Variants in SEMA3A observed in about 807,000 individuals in gnomAD.
The protein encoded by SEMA3A is semaphorin 3A, also known as semaphorin-3A.
A neutral mutation model predicts 97.9 loss-of-function variants in SEMA3A; 29 were observed. That is an observed-to-expected ratio of 0.30 (90% CI 0.22 to 0.40). The LOEUF is 0.40. SEMA3A is among the 10% of genes least tolerant of loss of function. SEMA3A has a pLI of 1.00. For missense variants in SEMA3A, 763 were observed against 951.3 expected (o/e 0.80, Z 2.60); for synonymous variants, 321 against 323.7 (o/e 0.99, Z 0.09).
intron 2 of SEMA3A, among the ~76,000 whole-genome samples, chr7:84,331,250 G>C (rs1473857694): frequency 6.6e-6 from 1 of 151,970 alleles, no homozygotes; most frequent in Non-Finnish European, 1.5e-5. Context: ...ATTTGCCAGG[G>C]GTATTTGGAA....
At chr7:84,007,008 T>A (rs576284640) in intron 10 of SEMA3A, among the ~76,000 whole-genome samples, 3 of 152,102 alleles carry the variant, frequency 2.0e-5, no homozygotes, top group African/African-American at 7.2e-5. Context: ...GAAGACACAA[T>A]AAAATGTATT....
chr7:84,064,233 A>G (rs1006538540), intron 4 of SEMA3A, among the ~76,000 whole-genome samples: 2 of 152,054 alleles, frequency 1.3e-5, no homozygotes, highest in African/African-American at 4.8e-5. Flanking sequence ...AGATTTTGTC[A>G]CCACCAGGCC....
Position 84,307,205 on chromosome 7 carries a change from A to G in SEMA3A, c.-83+2T>C, listed in dbSNP as rs1381822051. 6.6e-6 allele frequency: 1 copy of G among 152,032 alleles called. No individual in the cohort carries two copies. The highest frequency in any genetic ancestry group is 2.4e-5 in the African/African-American group (1 of 41,406). 9.4% of individuals were successfully genotyped at this position (152,032 alleles called of 1,614,324 possible). On this transcript the variant is annotated splice_donor_variant, in intron 3 of 3. Coordinates refer to the SEMA3A transcript ENST00000424555. LOFTEE classifies it low-confidence loss of function (5UTR_SPLICE). Reference sequence around the variant, plus strand: ...CAATGTGTATAAGTTTAATTATCTTACCTTCTTTTAGGAAAAATTCTTAAT... The same window carrying G: ...CAATGTGTATAAGTTTAATTATCTTGCCTTCTTTTAGGAAAAATTCTTAAT...
rs569987855 is a variant in SEMA3A at position 84,462,961 on chromosome 7, T to G, written c.-246+29499A>C. Among the ~76,000 whole-genome samples, 505 of 152,284 alleles carry G rather than the reference T, an allele frequency of 3.3e-3. 1 individual carries two copies. Among genetic ancestry groups the G allele is most frequent in the Non-Finnish European group, 5.9e-3 (398 of 68,026 alleles). On this transcript the variant is annotated intron_variant, in intron 1 of 3. Transcript: ENST00000424555. ...GGCCTTGATTACTTATATTTTCAAA[T>G]GTCCTCTGTTTACTAGCCCTTCCTC...
chr7:84,290,049 CAAATCGAT>C lies in SEMA3A; in HGVS notation c.-83+17150_-83+17157del, dbSNP rs577537170. On this transcript the variant is annotated intron_variant, in intron 3 of 3. Transcript: ENST00000424555. Reference sequence around the variant, plus strand: ...ATAATTTCATTGATATGTCGATAGGCAAATCGATACAGGCAAGAATTTGATTAGTGCTT... The same window carrying C: ...ATAATTTCATTGATATGTCGATAGGCACAGGCAAGAATTTGATTAGTGCTT... Among the ~76,000 whole-genome samples, 171 of 152,062 alleles carry C rather than the reference CAAATCGAT, an allele frequency of 1.1e-3. 1 individual carries two copies. Among genetic ancestry groups the C allele is most frequent in the African/African-American group, 3.9e-3 (160 of 41,498 alleles).
chr7:84,252,448 A>T (rs917572974), intron 3 of SEMA3A, among the ~76,000 whole-genome samples: 1 of 152,258 alleles, frequency 6.6e-6, no homozygotes, highest in Admixed American at 6.5e-5. Flanking sequence ...AGTCTGCTAT[A>T]GCACACACAG....
chr7:84,135,334 C>T (rs1201894793), intron 1 of SEMA3A, among the ~76,000 whole-genome samples: 1 of 152,004 alleles, frequency 6.6e-6, no homozygotes, highest in Non-Finnish European at 1.5e-5. Flanking sequence ...TGGCTTCGAA[C>T]TCCTGACCTC....
intron 1 of SEMA3A, chr7:84,492,423 C>T (rs996019346): frequency 2.6e-5 from 4 of 152,066 alleles, no homozygotes; most frequent in African/African-American, 9.7e-5. Context: ...TAATTAATTC[C>T]CAAGTAAAAG....
intron 3 of SEMA3A, among the ~76,000 whole-genome samples, chr7:84,226,857 A>T (rs1348836940): frequency 6.6e-6 from 1 of 152,080 alleles, no homozygotes; most frequent in Non-Finnish European, 1.5e-5. Flanking sequence ...CATTTTGGAA[A>T]TGAAGATTTA....
intron 15 of SEMA3A, among the ~76,000 whole-genome samples, chr7:83,965,660 A>ATTT (rs1788661199): frequency 1.0e-4 from 1 of 9,852 alleles, no homozygotes; most frequent in South Asian, 5.4e-3. Flanking sequence ...ATATATATAT[A>ATTT]TATATATTTT....
chr7:84,048,501 T>A (rs1792453652), intron 5 of SEMA3A, among the ~76,000 whole-genome samples: 1 of 151,926 alleles, frequency 6.6e-6, no homozygotes, highest in Admixed American at 6.6e-5. Flanking sequence ...TTGTTATTGG[T>A]CTGAGTGAAT....
chr7:84,397,906 AATAAG>A (rs1803780989), intron 1 of SEMA3A, among the ~76,000 whole-genome samples: 2 of 152,270 alleles, frequency 1.3e-5, no homozygotes, highest in South Asian at 4.1e-4. Context: ...ATGATAATTA[AATAAG>A]ATAAATCATG....
At chr7:84,272,829 T>C (rs1800185455) in intron 3 of SEMA3A, among the ~76,000 whole-genome samples, 1 of 152,130 alleles carries the variant, frequency 6.6e-6, no homozygotes. Context: ...CCAGCTCAGC[T>C]TTTTTCCACC....
chr7:83,977,285 T>C lies in SEMA3A; in HGVS notation c.1653-89A>G, dbSNP rs1369630313. On this transcript the variant is annotated intron_variant, in intron 14 of 16. Coordinates refer to ENST00000265362, the MANE Select transcript of SEMA3A (RefSeq NM_006080.3). ...TAAGAATGAAGAGAAATAAAATATA[T>C]ATATATATATCATAGACTCTAGTAA... The C allele has an allele frequency of 7.1e-6, 4 of 565,986 alleles. No individual in the cohort carries two copies. The East Asian group carries it at 9.8e-5, about 14-fold the overall frequency. The allele number at this position is 565,986 out of a possible 1,614,324, so 35.1% of individuals were successfully genotyped here.
rs1020254621 is a variant in SEMA3A, at chr7:84,458,575, C to A, written c.-246+33885G>T. 3.3e-5 allele frequency among the ~76,000 whole-genome samples: 5 copies of A among 152,038 alleles called. No individual in the cohort carries two copies. The East Asian group carries it at 9.7e-4, about 29-fold the overall frequency. On this transcript the variant is annotated intron_variant, in intron 1 of 3. Coordinates refer to the SEMA3A transcript ENST00000424555. ...GTGCACCTGAAAGTTAGATTTCTGA[C>A]TTTTTGCCTTCCCTTTCTTTGAAGA...
At chr7:84,010,747 A>C (rs1584542838) in intron 9 of SEMA3A, among the ~76,000 whole-genome samples, 3 of 152,044 alleles carry the variant, frequency 2.0e-5, no homozygotes, top group Admixed American at 2.0e-4. Context: ...TAATAATGTA[A>C]AAGGTTTAAA....
chr7:84,424,103 A>G (rs971621339), intron 1 of SEMA3A, among the ~76,000 whole-genome samples: 3 of 151,642 alleles, frequency 2.0e-5, no homozygotes, highest in East Asian at 1.9e-4. Flanking sequence ...AAGAACTAAA[A>G]GTAGACCTAC....
intron 9 of SEMA3A, among the ~76,000 whole-genome samples, chr7:84,008,327 T>TAA (rs1790748018): frequency 6.6e-6 from 1 of 151,664 alleles, no homozygotes; most frequent in African/African-American, 2.4e-5. Context: ...CCGTCTCTAC[T>TAA]AAAAATACAA....
At chr7:84,173,729 C>T (rs941982171) in intron 1 of SEMA3A, among the ~76,000 whole-genome samples, 6 of 152,260 alleles carry the variant, frequency 3.9e-5, no homozygotes, top group Admixed American at 3.9e-4. Flanking sequence ...AGAGCAAGGG[C>T]TTCCCAATCC....
Sources: allele counts gnomAD v4.1 joint callset (sites outside exome capture counted in the v4.1 genomes callset), GRCh38; gene constraint gnomAD v4.1.1; transcripts MANE v1.5; gene names NCBI Gene and HGNC (gene_info 2026-07-23, HGNC 2026-07-21).